The following CECR2 variants were observed in gnomAD, a reference collection of about 807,000 sequenced individuals.
CECR2 encodes the protein CECR2 histone acetyl-lysine reader, also known as chromatin remodeling regulator CECR2.
A neutral mutation model predicts 154.5 loss-of-function variants in CECR2; 30 were observed. The ratio of observed to expected loss-of-function variants is 0.19; its 90% confidence interval spans 0.15 to 0.26. The LOEUF is 0.26. Among genes scored for constraint, CECR2 ranks in the 10% least tolerant of loss-of-function variants. CECR2 has a pLI of 1.00. For synonymous variants in CECR2, 725 were observed against 683.7 expected (o/e 1.06, Z -0.94); for missense variants, 1,743 against 1,829.3 (o/e 0.95, Z 0.86).
At chr22:17,509,233 A>C (rs1174024252) in intron 7 of CECR2, among the ~76,000 whole-genome samples, 1 of 152,148 alleles carries the variant, frequency 6.6e-6, no homozygotes, top group Non-Finnish European at 1.5e-5. Context: ...CCTGGGCGAC[A>C]GATGGAGAAA....
In CECR2 at chr22:17,542,906, C is replaced by T. The variant is rs201407739; in HGVS notation, c.2763C>T (p.His921=). The change falls in exon 16 of 19, where the codon CAC becomes CAT. Residue 921 remains histidine, a synonymous_variant. Transcript: ENST00000262608. The part of the protein sequence containing the change: ...RLPGPFPQVA[H]PMSVTVSAPK... ...CTGGCCCTTTTCCGCAGGTAGCTCA[C>T]CCAATGTCAGTCACTGTGTCAGCCC... 401 of 1,613,952 alleles carry T rather than the reference C, an allele frequency of 2.5e-4. No homozygotes were observed. Among genetic ancestry groups the T allele is most frequent in the Admixed American group, 9.3e-4 (56 of 60,014 alleles).
At chr22:17,516,519 G>T (rs995337949) in intron 8 of CECR2, among the ~76,000 whole-genome samples, 1 of 152,128 alleles carries the variant, frequency 6.6e-6, no homozygotes, top group Non-Finnish European at 1.5e-5. Context: ...GAGGGGCCTG[G>T]TAGGAGGTGA....
intron 16 of CECR2, among the ~76,000 whole-genome samples, chr22:17,545,191 A>G (rs573765598): frequency 9.8e-4 from 149 of 151,952 alleles, no homozygotes; most frequent in African/African-American, 3.5e-3. Flanking sequence ...CCTGGCCAAC[A>G]TGGTGAAATC....
intron 2 of CECR2, among the ~76,000 whole-genome samples, chr22:17,489,307 A>G (rs1313824790): frequency 6.6e-6 from 1 of 152,202 alleles, no homozygotes; most frequent in East Asian, 1.9e-4. Flanking sequence ...GTGGCAGCTC[A>G]TTGTGGGTTT....
At chr22:17,546,524 C>T (rs996835474) in intron 16 of CECR2, among the ~76,000 whole-genome samples, 2 of 149,188 alleles carry the variant, frequency 1.3e-5, no homozygotes, top group South Asian at 4.2e-4. Context: ...TTAGTTAAGT[C>T]TAGTTGCTAA....
intron 1 of CECR2, among the ~76,000 whole-genome samples, chr22:17,411,243 A>G (rs2054064513): frequency 6.6e-6 from 1 of 152,180 alleles, no homozygotes; most frequent in African/African-American, 2.4e-5. Flanking sequence ...AATTTCATAT[A>G]TTTCTACCTG....
At chr22:17,538,894 C>G (rs1453142626) in intron 12 of CECR2, 99 bp from the exon 13 acceptor site, 3 of 1,430,826 alleles carry the variant, frequency 2.1e-6, no homozygotes, top group East Asian at 2.3e-5. Flanking sequence ...CATTACAGAT[C>G]AGCATTGCTG....
chr22:17,371,861 C>T (rs984035965), intron 1 of CECR2, among the ~76,000 whole-genome samples: 2 of 152,200 alleles, frequency 1.3e-5, no homozygotes, highest in African/African-American at 4.8e-5. Flanking sequence ...GCCTTAAGTA[C>T]TCGCAGCATA....
intron 2 of CECR2, among the ~76,000 whole-genome samples, chr22:17,486,008 C>A (rs1162268332): frequency 6.6e-6 from 1 of 152,032 alleles, no homozygotes; most frequent in Admixed American, 6.5e-5. Context: ...AAGACGAGAT[C>A]TCACTCTTCA....
At chr22:17,439,094 T>C (rs1452570347) in intron 1 of CECR2, among the ~76,000 whole-genome samples, 1 of 152,070 alleles carries the variant, frequency 6.6e-6, no homozygotes, top group Non-Finnish European at 1.5e-5. Flanking sequence ...ACTTGCTAGA[T>C]ATTTTTTCTA....
intron 2 of CECR2, among the ~76,000 whole-genome samples, chr22:17,484,570 T>G (rs1569112617): frequency 6.6e-6 from 1 of 152,182 alleles, no homozygotes; most frequent in Non-Finnish European, 1.5e-5. Context: ...AAACCATTAT[T>G]ATAGACTGTT....
At chr22:17,383,992 A>G (rs1359582522) in intron 1 of CECR2, among the ~76,000 whole-genome samples, 1 of 151,624 alleles carries the variant, frequency 6.6e-6, no homozygotes, top group East Asian at 1.9e-4. Context: ...TTCTAATTCT[A>G]TTTCTTTTGC....
intron 17 of CECR2, among the ~76,000 whole-genome samples, chr22:17,551,655 A>G (rs564316918): frequency 3.9e-5 from 6 of 152,146 alleles, no homozygotes; most frequent in Non-Finnish European, 8.8e-5. Context: ...TAGTGAAAAT[A>G]AAGAACTTAG....
chr22:17,421,429 A>C (rs1183962383), intron 1 of CECR2, among the ~76,000 whole-genome samples: 1 of 151,752 alleles, frequency 6.6e-6, no homozygotes, highest in Non-Finnish European at 1.5e-5. Context: ...TCCCGGCTAA[A>C]ATGGTGAAAC....
intron 6 of CECR2, 95 bp from the exon 7 acceptor site, chr22:17,504,750 ATT>A: frequency 8.6e-7 from 1 of 1,158,794 alleles, no homozygotes; most frequent in South Asian, 1.5e-5. Context: ...CGAGTTCCTT[ATT>A]TTAGTCATGA....
At chr22:17,427,678 A>AG (rs1280874366) in intron 1 of CECR2, among the ~76,000 whole-genome samples, 1 of 152,188 alleles carries the variant, frequency 6.6e-6, no homozygotes, top group Non-Finnish European at 1.5e-5. Context: ...ACAGTGTGGA[A>AG]GGGGACCAGG....
Position 17,486,120 on chromosome 22 carries a change from C to T in CECR2, c.221+8438C>T, listed in dbSNP as rs567156049. ...TCAGCCTCCTAAGTAGCTGAGATGA[C>T]AGGCAGGCACCACCGTGCCCATCTA... is the stretch of plus-strand genomic sequence containing the variant. On this transcript the variant is annotated intron_variant, in intron 2 of 18. Transcript: ENST00000262608. Among the ~76,000 whole-genome samples the T allele has an allele frequency of 9.2e-5, 14 of 152,270 alleles. 1 individual carries two copies. Among genetic ancestry groups the T allele is most frequent in the African/African-American group, 3.4e-4 (14 of 41,548 alleles).
At chr22:17,548,020 A>T in intron 16 of CECR2, 128 bp from the exon 17 acceptor site, 1 of 885,444 alleles carries the variant, frequency 1.1e-6, no homozygotes. Flanking sequence ...CAGGGACTCA[A>T]ACAATTTCCA....
intron 1 of CECR2, among the ~76,000 whole-genome samples, chr22:17,470,757 A>G (rs2055113407): frequency 6.6e-6 from 1 of 152,288 alleles, no homozygotes; most frequent in African/African-American, 2.4e-5. Flanking sequence ...CATTTCTAGC[A>G]CTGGCCCCGT....
Sources: gnomAD v4.1 joint callset for allele counts (sites outside exome capture counted in the v4.1 genomes callset) on GRCh38, gnomAD v4.1.1 for gene constraint, MANE v1.5 for transcripts, NCBI Gene and HGNC (gene_info 2026-07-23, HGNC 2026-07-21) for gene names.